The following DOCK3 variants were observed in gnomAD, a reference collection of about 807,000 sequenced individuals.
DOCK3 encodes the protein dedicator of cytokinesis protein 3.
In DOCK3, 60 loss-of-function variants were observed where a neutral mutation model predicts 265.6. The observed-to-expected ratio is 0.23, with a 90% CI of 0.18 to 0.28. The LOEUF (loss-of-function observed/expected upper bound fraction) is 0.28. Among genes scored for constraint, DOCK3 ranks in the 10% least tolerant of loss-of-function variants. The pLI is 1.00. For synonymous variants in DOCK3, 881 were observed against 938.0 expected (o/e 0.94, Z 1.11); for missense variants, 1,981 against 2,594.3 (o/e 0.76, Z 5.14).
chr3:51,234,365 A>C (rs1305848900), intron 19 of DOCK3, among the ~76,000 whole-genome samples: 4 of 151,966 alleles, frequency 2.6e-5, no homozygotes, highest in Non-Finnish European at 4.4e-5. Flanking sequence ...GAGTTGTTTG[A>C]GTTCCTTATA....
At chr3:50,804,313 C>T (rs563282784) in intron 2 of DOCK3, among the ~76,000 whole-genome samples, 63 of 152,198 alleles carry the variant, frequency 4.1e-4, no homozygotes, top group Middle Eastern at 3.4e-3. Flanking sequence ...CAGGCAGAGA[C>T]GCTCCTCGCT....
chr3:51,231,641 A>G (rs1428735521), intron 19 of DOCK3, among the ~76,000 whole-genome samples: 3 of 152,062 alleles, frequency 2.0e-5, no homozygotes, highest in Non-Finnish European at 4.4e-5. Context: ...TGAGTTCCTT[A>G]TATATTCTGG....
Position 51,278,018 on chromosome 3 carries a change from AT to A in DOCK3, c.2823+268del, listed in dbSNP as rs936301780. The A allele has an allele frequency of 3.0e-6, 3 of 985,204 alleles. No homozygotes were observed. The African/African-American group carries it at 5.2e-5, about 17-fold the overall frequency. The allele number at this position is 985,204 out of a possible 1,614,324, so 61.0% of individuals were successfully genotyped here. On this transcript the variant is annotated intron_variant, in intron 26 of 52. Coordinates refer to ENST00000266037, the MANE Select transcript of DOCK3 (RefSeq NM_004947.5). ...TTTCCTGCATACTTTGAGCCAAGTC[AT>A]TTTCTATATTGTAGAATGAAGCTGG...
At chr3:50,921,598 G>A (rs974711318) in intron 4 of DOCK3, among the ~76,000 whole-genome samples, 4 of 152,070 alleles carry the variant, frequency 2.6e-5, no homozygotes, top group African/African-American at 9.7e-5. Context: ...CGTTGCTAGC[G>A]AGGAGCTGCA....
intron 2 of DOCK3, among the ~76,000 whole-genome samples, chr3:50,838,672 T>C (rs2045650620): frequency 6.6e-6 from 1 of 152,220 alleles, no homozygotes; most frequent in Non-Finnish European, 1.5e-5. Context: ...AGTAGGTAAA[T>C]TGACATTTGG....
At chr3:51,239,751 C>A (rs921464719) in intron 21 of DOCK3, among the ~76,000 whole-genome samples, 2 of 151,826 alleles carry the variant, frequency 1.3e-5, no homozygotes, top group Non-Finnish European at 2.9e-5. Flanking sequence ...TAAAGATGTT[C>A]ATAATATTCT....
At chr3:51,312,672 T>C in intron 30 of DOCK3, 96 bp downstream of exon 30, 1 of 1,334,228 alleles carries the variant, frequency 7.5e-7, no homozygotes, top group Non-Finnish European at 1.0e-6. Flanking sequence ...GGTTCTCAGC[T>C]GGGTGGTTTC....
At chr3:51,214,093 G>A in intron 13 of DOCK3, 29 bp from the exon 14 acceptor site, 1 of 1,613,150 alleles carries the variant, frequency 6.2e-7, no homozygotes, top group South Asian at 1.1e-5. Flanking sequence ...TAGAACTGTG[G>A]TTCTAAGAAA....
At chr3:51,212,551 A>C (rs138200351) in intron 13 of DOCK3, among the ~76,000 whole-genome samples, 3 of 148,172 alleles carry the variant, frequency 2.0e-5, no homozygotes, top group African/African-American at 7.5e-5. Flanking sequence ...ATTTCTGTTT[A>C]CCCAGAGGAT....
intron 4 of DOCK3, among the ~76,000 whole-genome samples, chr3:50,928,873 C>T (rs2108114738): frequency 6.6e-6 from 1 of 152,198 alleles, no homozygotes; most frequent in South Asian, 2.1e-4. Context: ...CCTGTATAAC[C>T]ATTGTGTTTT....
intron 27 of DOCK3, among the ~76,000 whole-genome samples, chr3:51,297,794 A>ATTT (rs58008589): frequency 6.7e-6 from 1 of 148,808 alleles, no homozygotes; most frequent in Non-Finnish European, 1.5e-5. Context: ...AATAATAATA[A>ATTT]TTTTTTTTTA....
intron 4 of DOCK3, among the ~76,000 whole-genome samples, chr3:50,914,172 A>AT (rs1429183696): frequency 1.4e-5 from 2 of 141,422 alleles, no homozygotes; most frequent in Non-Finnish European, 3.1e-5. Flanking sequence ...GGCTCTTTGT[A>AT]TTTTTTTCCT....
At chr3:50,875,361 C>T (rs760632713) in intron 3 of DOCK3, among the ~76,000 whole-genome samples, 3 of 152,062 alleles carry the variant, frequency 2.0e-5, no homozygotes, top group Non-Finnish European at 2.9e-5. Flanking sequence ...GAAGTCTTAT[C>T]TTTGTCTTGT....
At chr3:51,153,858 TTTGAG>T (rs1438744419) in intron 10 of DOCK3, among the ~76,000 whole-genome samples, 4 of 152,226 alleles carry the variant, frequency 2.6e-5, no homozygotes, top group Non-Finnish European at 5.9e-5. Context: ...GTGGTATTTA[TTTGAG>T]TTAATTTATT....
intron 5 of DOCK3, among the ~76,000 whole-genome samples, chr3:51,003,284 A>G (rs2078550447): frequency 6.6e-6 from 1 of 152,238 alleles, no homozygotes; most frequent in Non-Finnish European, 1.5e-5. Context: ...CCTAAGCAGT[A>G]CATTACTCTG....
rs782390790 is a variant in DOCK3 at position 51,381,265 on chromosome 3, C to T, written c.5799C>T (p.Leu1933=). Residue 1933 remains leucine, a synonymous_variant, in exon 53 of 53, where the codon CTC becomes CTT. Coordinates refer to ENST00000266037, the MANE Select transcript of DOCK3 (RefSeq NM_004947.5). This position sits in a 1 kb window ranked among gnomAD's most constrained non-coding sequence, Gnocchi z 5.6. ...ACGAAGATCTTGAGCCACCCTACCT[C>T]CCTGTCCACTACAGCCTCTCTGAGT... The part of the protein sequence containing the change: ...NADEDLEPPY[L]PVHYSLSESA... 4 of 1,613,898 alleles carry T rather than the reference C, an allele frequency of 2.5e-6. No homozygotes were observed. Among genetic ancestry groups the T allele is most frequent in the Non-Finnish European group, 3.4e-6 (4 of 1,179,876 alleles).
Position 51,088,428 on chromosome 3 carries a change from A to G in DOCK3, c.550-815A>G, listed in dbSNP as rs185803829. ...GAAGAGAAGATTTGAAATGTTCCCA[A>G]CAGAAAGAAATGATAAATGTTTGAG... On this transcript the variant is annotated intron_variant, in intron 7 of 52. Coordinates refer to ENST00000266037, the MANE Select transcript of DOCK3 (RefSeq NM_004947.5). Among the ~76,000 whole-genome samples the G allele has an allele frequency of 1.1e-4, 16 of 152,350 alleles. 1 individual carries two copies. The highest frequency in any genetic ancestry group is 7.2e-4 in the Admixed American group (11 of 15,292).
chr3:51,277,787 C>G (rs892630804), intron 26 of DOCK3, 33 bp downstream of exon 26: 15 of 1,593,032 alleles, frequency 9.4e-6, no homozygotes, highest in African/African-American at 4.0e-5. Context: ...TTCTTGCCTT[C>G]TTTTCTAACC....
At chr3:51,281,627 C>T (rs923420994) in intron 27 of DOCK3, among the ~76,000 whole-genome samples, 2 of 152,028 alleles carry the variant, frequency 1.3e-5, no homozygotes, top group Admixed American at 6.6e-5. Flanking sequence ...TTGTTTCAGT[C>T]ACTATCTTTT....
Sources: gnomAD v4.1 joint callset for allele counts (sites outside exome capture counted in the v4.1 genomes callset) on GRCh38, gnomAD v4.1.1 for gene constraint, Gnocchi (gnomAD v3.1) non-coding constraint, MANE v1.5 for transcripts, NCBI Gene and HGNC (gene_info 2026-07-23, HGNC 2026-07-21) for gene names.